ZMIZ1: variants seen among roughly 807,000 people sequenced by gnomAD.
ZMIZ1 encodes zinc finger MIZ domain-containing protein 1.
In ZMIZ1, 17 loss-of-function variants were observed where a neutral mutation model predicts 113.9. The observed-to-expected ratio is 0.15, with a 90% CI of 0.10 to 0.22. The LOEUF (loss-of-function observed/expected upper bound fraction) is 0.22, where lower values mean the gene tolerates loss of function less well. Among genes scored for constraint, ZMIZ1 ranks in the 10% least tolerant of loss-of-function variants. The pLI is 1.00. For synonymous variants in ZMIZ1, 607 were observed against 603.1 expected (o/e 1.01, Z -0.09); for missense variants, 1,059 against 1,477.8 (o/e 0.72, Z 4.65).
intron 5 of ZMIZ1, among the ~76,000 whole-genome samples, chr10:79,205,912 C>T (rs1430765199): frequency 6.6e-6 from 1 of 152,070 alleles, no homozygotes; most frequent in African/African-American, 2.4e-5. Context: ...GCCTGGGCAA[C>T]ATAGCAAGAC....
At chr10:79,086,023 C>G (rs906376146) in intron 1 of ZMIZ1, among the ~76,000 whole-genome samples, 1 of 152,134 alleles carries the variant, frequency 6.6e-6, no homozygotes, top group Non-Finnish European at 1.5e-5. Context: ...TGCATTGAGG[C>G]CCCTTCTAGC....
At chr10:79,234,478 G>GT (rs1026523164) in intron 7 of ZMIZ1, among the ~76,000 whole-genome samples, 4 of 152,136 alleles carry the variant, frequency 2.6e-5, no homozygotes, top group African/African-American at 7.2e-5. Flanking sequence ...AATTTTTCTT[G>GT]TAAGTCCAAA....
intron 5 of ZMIZ1, among the ~76,000 whole-genome samples, chr10:79,203,707 G>T (rs1195598415): frequency 6.6e-6 from 1 of 152,236 alleles, no homozygotes; most frequent in African/African-American, 2.4e-5. Flanking sequence ...CTTGGGCAGA[G>T]GCCCACCAGA....
chr10:79,198,382 G>A (rs1847931886), intron 4 of ZMIZ1, among the ~76,000 whole-genome samples: 1 of 149,952 alleles, frequency 6.7e-6, no homozygotes, highest in South Asian at 2.1e-4. Context: ...TTTTATTATT[G>A]TTACTTATTT....
intron 1 of ZMIZ1, among the ~76,000 whole-genome samples, chr10:79,116,550 T>TG (rs1187609027): frequency 1.3e-5 from 2 of 151,836 alleles, no homozygotes; most frequent in Non-Finnish European, 2.9e-5. Context: ...ATGCAGCCTG[T>TG]GGGGGTGCAC....
At chr10:79,280,300 G>A (rs958649897) in intron 8 of ZMIZ1, among the ~76,000 whole-genome samples, 2 of 151,958 alleles carry the variant, frequency 1.3e-5, no homozygotes, top group Non-Finnish European at 2.9e-5. Flanking sequence ...TAAAAGACAG[G>A]GTCTCACCCT....
chr10:79,102,473 G>A (rs1843400009), intron 1 of ZMIZ1, among the ~76,000 whole-genome samples: 1 of 152,202 alleles, frequency 6.6e-6, no homozygotes, highest in Admixed American at 6.5e-5. Context: ...GAAAGAAATG[G>A]GTGTGTGTGG....
Position 79,311,219 on chromosome 10 carries a change from C to T in ZMIZ1, c.3096+35C>T, listed in dbSNP as rs371354707. 10 of 1,466,736 alleles carry T rather than the reference C, an allele frequency of 6.8e-6. 1 individual carries two copies. In the African/African-American group the frequency reaches 1.1e-4, roughly 17 times the overall value. 90.9% of individuals were successfully genotyped at this position (1,466,736 alleles called of 1,614,324 possible). A position where few individuals can be genotyped will look rare whatever the true frequency, so the allele number is the denominator to read the frequency against. On this transcript the variant is annotated intron_variant, in intron 24 of 24. Transcript: ENST00000334512. ...GGTCGCCACTCGCCTTGGCCTGGGG[C>T]TAGGCCTGGCGCCGGGACCTGCCCG...
intron 4 of ZMIZ1, among the ~76,000 whole-genome samples, chr10:79,199,602 G>C (rs895029878): frequency 2.0e-5 from 3 of 152,182 alleles, no homozygotes; most frequent in African/African-American, 7.2e-5. Context: ...AATGTGTATA[G>C]AATGTTATTA....
intron 3 of ZMIZ1, among the ~76,000 whole-genome samples, chr10:79,153,874 A>G (rs1845798493): frequency 1.3e-5 from 2 of 152,194 alleles, no homozygotes; most frequent in Admixed American, 1.3e-4. Context: ...CTTGGCCATC[A>G]CTTCAGACTG....
chr10:79,093,173 CACATAT>C (rs1283472780), intron 1 of ZMIZ1, among the ~76,000 whole-genome samples: 2 of 84,590 alleles, frequency 2.4e-5, no homozygotes, highest in Non-Finnish European at 3.0e-5. Flanking sequence ...CACACACACA[CACATAT>C]TCAGGGGATG....
intron 4 of ZMIZ1, among the ~76,000 whole-genome samples, chr10:79,187,896 T>C (rs945793214): frequency 2.0e-5 from 3 of 152,158 alleles, no homozygotes; most frequent in Non-Finnish European, 4.4e-5. Context: ...AGTGTGGAGA[T>C]AGCTTGGTTT....
At chr10:79,236,697 G>A (rs1481403291) in intron 7 of ZMIZ1, among the ~76,000 whole-genome samples, 1 of 152,170 alleles carries the variant, frequency 6.6e-6, no homozygotes, top group Admixed American at 6.5e-5. Flanking sequence ...CTAGGCTCCG[G>A]GCAGGGCAGC....
chr10:79,080,832 G>A (rs1036554739), intron 1 of ZMIZ1, among the ~76,000 whole-genome samples: 3 of 152,068 alleles, frequency 2.0e-5, no homozygotes, highest in South Asian at 2.1e-4. Flanking sequence ...AAGTCTTGGC[G>A]CCTTCTGCCT....
chr10:79,130,756 C>T (rs943779864), intron 2 of ZMIZ1, among the ~76,000 whole-genome samples: 2 of 152,144 alleles, frequency 1.3e-5, no homozygotes, highest in Non-Finnish European at 2.9e-5. Flanking sequence ...TAATAATATT[C>T]TGTCCTTCAC....
intron 7 of ZMIZ1, among the ~76,000 whole-genome samples, chr10:79,272,962 C>A (rs977455226): frequency 6.6e-6 from 1 of 152,170 alleles, no homozygotes; most frequent in East Asian, 1.9e-4. Context: ...CCTGGACAGG[C>A]TGGAGAGGAT....
intron 3 of ZMIZ1, among the ~76,000 whole-genome samples, chr10:79,156,719 ACT>A (rs1845916097): frequency 6.6e-6 from 1 of 151,894 alleles, no homozygotes; most frequent in Non-Finnish European, 1.5e-5. Flanking sequence ...GTACCTCGGG[ACT>A]CTTGGGCAGC....
intron 12 of ZMIZ1, chr10:79,294,836 C>T (rs750408466): frequency 1.3e-4 from 19 of 151,488 alleles, no homozygotes; most frequent in Non-Finnish European, 1.8e-4. Flanking sequence ...TTCCAAAGAC[C>T]TTAAGTTCCT....
At chr10:79,229,442 C>T (rs943126109) in intron 7 of ZMIZ1, among the ~76,000 whole-genome samples, 1 of 152,264 alleles carries the variant, frequency 6.6e-6, no homozygotes, top group South Asian at 2.1e-4. Flanking sequence ...TTGAGGCTGG[C>T]CAGGTGAGAA....
Sources: gnomAD v4.1 joint callset for allele counts (sites outside exome capture counted in the v4.1 genomes callset) on GRCh38, gnomAD v4.1.1 for gene constraint, MANE v1.5 for transcripts, NCBI Gene and HGNC (gene_info 2026-07-23, HGNC 2026-07-21) for gene names.